Variants in LGR5 observed in about 807,000 individuals in gnomAD.
LGR5 encodes leucine rich repeat containing G protein-coupled receptor 5, also known as leucine-rich repeat-containing G protein-coupled receptor 5.
Under a neutral mutation model 76.7 loss-of-function variants are expected in LGR5, and 54 were observed. The observed-to-expected ratio is 0.70, with a 90% confidence interval of 0.57 to 0.88. The LOEUF (loss-of-function observed/expected upper bound fraction) is 0.88, where lower values mean the gene tolerates loss of function less well. Ranked by LOEUF, LGR5 falls within the 40% of genes least tolerant of loss-of-function variation. LGR5 has a pLI of 0.00. For missense variants in LGR5, 1,078 were observed against 1,073.3 expected (o/e 1.00, Z -0.06); for synonymous variants, 406 against 421.9 (o/e 0.96, Z 0.46).
At position 71,561,807 on chromosome 12, in the gene LGR5, C is replaced by G; in HGVS notation, c.812C>G (p.Ser271Trp). The change falls in exon 8 of 18, where the codon TCG becomes TGG. Residue 271 changes from serine to tryptophan, a missense_variant. Transcript: ENST00000266674. Reference protein sequence around the residue: ...ELGFHSNNIRSIPEKAFVGNP... With the variant: ...ELGFHSNNIRWIPEKAFVGNP... ...GGATTTCATAGCAACAATATCAGGT[C>G]GATACCTGAGAAAGCATTTGTAGGC... is the stretch of plus-strand genomic sequence containing the variant. 1.9e-6 allele frequency: 3 copies of G among 1,603,874 alleles called. No individual in the cohort carries two copies. Among genetic ancestry groups the G allele is most frequent in the East Asian group, 4.5e-5 (2 of 44,672 alleles).
chr12:71,483,533 A>T (rs767844106), intron 1 of LGR5, among the ~76,000 whole-genome samples: 13 of 152,208 alleles, frequency 8.5e-5, no homozygotes, highest in Non-Finnish European at 5.9e-5. Context: ...CCTGAATTTT[A>T]AACTACAGCA....
intron 4 of LGR5, among the ~76,000 whole-genome samples, chr12:71,537,004 C>T (rs982760078): frequency 6.6e-6 from 1 of 152,118 alleles, no homozygotes; most frequent in East Asian, 1.9e-4. Context: ...TAGATAGATA[C>T]TCGGCCCCCA....
In LGR5 at chr12:71,501,906, G is replaced by A. The variant is rs139572002; in HGVS notation, c.213-2708G>A. Among the ~76,000 whole-genome samples, 258 of 152,154 alleles carry A rather than the reference G, an allele frequency of 1.7e-3. 1 individual carries two copies. Among genetic ancestry groups the A allele is most frequent in the African/African-American group, 5.9e-3 (243 of 41,508 alleles). ...CATCAATGTAAAAGTGCACACAGAA[G>A]GGAAAAAAGCAAATGCAGGCAAATT... On this transcript the variant is annotated intron_variant, in intron 1 of 17. Coordinates refer to ENST00000266674, the MANE Select transcript of LGR5 (RefSeq NM_003667.4).
At chr12:71,453,844 T>A (rs754337947) in intron 1 of LGR5, among the ~76,000 whole-genome samples, 5 of 152,094 alleles carry the variant, frequency 3.3e-5, no homozygotes, top group Non-Finnish European at 7.4e-5. Context: ...TCATCTTTGA[T>A]AAGAAGCAGT....
chr12:71,542,072 C>A (rs943368926), intron 4 of LGR5, among the ~76,000 whole-genome samples: 2 of 152,158 alleles, frequency 1.3e-5, no homozygotes, highest in Admixed American at 6.5e-5. Context: ...AATATCAAAG[C>A]GTGAGCCAGT....
intron 1 of LGR5, among the ~76,000 whole-genome samples, chr12:71,476,293 A>G (rs373593249): frequency 1.3e-5 from 2 of 152,342 alleles, no homozygotes; most frequent in South Asian, 4.1e-4. Context: ...AGTTTTGTTG[A>G]CATGCAGTAG....
At chr12:71,540,116 A>G (rs1387773553) in intron 4 of LGR5, among the ~76,000 whole-genome samples, 1 of 152,184 alleles carries the variant, frequency 6.6e-6, no homozygotes, top group Admixed American at 6.5e-5. Flanking sequence ...TAACCCTCCC[A>G]TACCCTCACA....
intron 1 of LGR5, among the ~76,000 whole-genome samples, chr12:71,488,135 T>C (rs1333732731): frequency 6.6e-6 from 1 of 152,240 alleles, no homozygotes; most frequent in East Asian, 1.9e-4. Flanking sequence ...AGCTATACTT[T>C]GAACAGTAGA....
chr12:71,486,743 G>T (rs771114672), intron 1 of LGR5, among the ~76,000 whole-genome samples: 2 of 151,568 alleles, frequency 1.3e-5, no homozygotes, highest in African/African-American at 4.9e-5. Flanking sequence ...TCCTTGAAGA[G>T]AATTTAAAGT....
intron 11 of LGR5, 127 bp downstream of exon 11, chr12:71,567,039 T>C (rs1878386310): frequency 1.3e-6 from 1 of 744,288 alleles, no homozygotes; most frequent in Non-Finnish European, 2.4e-6. Context: ...CTGCAGGAGG[T>C]CAAGCCTCCT....
intron 4 of LGR5, among the ~76,000 whole-genome samples, chr12:71,536,542 A>T (rs975273621): frequency 6.6e-6 from 1 of 152,166 alleles, no homozygotes; most frequent in African/African-American, 2.4e-5. Flanking sequence ...ACAAGCCTTT[A>T]CCTGAAGGAA....
intron 4 of LGR5, 70 bp downstream of exon 4, chr12:71,535,256 A>G: frequency 9.5e-7 from 1 of 1,051,708 alleles, no homozygotes; most frequent in African/African-American, 1.6e-5. Context: ...TGTTCAGTTG[A>G]CCATTTTAGT....
chr12:71,569,853 G>A (rs1054909880), intron 11 of LGR5, among the ~76,000 whole-genome samples: 1 of 152,134 alleles, frequency 6.6e-6, no homozygotes, highest in African/African-American at 2.4e-5. Context: ...AAAGATATAT[G>A]CCCATGTATG....
intron 8 of LGR5, among the ~76,000 whole-genome samples, chr12:71,564,867 G>A (rs1797369): frequency 0.88 from 132,340 of 150,076 alleles, 60,296 homozygotes; most frequent in East Asian, 1. Context: ...ACATATATGT[G>A]CACACACTGT....
intron 2 of LGR5, among the ~76,000 whole-genome samples, chr12:71,513,674 G>A (rs1875283388): frequency 6.6e-6 from 1 of 152,144 alleles, no homozygotes; most frequent in South Asian, 2.1e-4. Flanking sequence ...AGCATTTATG[G>A]ACTGTTTGAT....
At chr12:71,533,619 T>C (rs1166781967) in intron 3 of LGR5, among the ~76,000 whole-genome samples, 1 of 152,180 alleles carries the variant, frequency 6.6e-6, no homozygotes, top group African/African-American at 2.4e-5. Context: ...GCTCATTAAA[T>C]TGTCAAACCC....
At chr12:71,582,859 G>A (rs2137482714) in intron 17 of LGR5, among the ~76,000 whole-genome samples, 1 of 152,070 alleles carries the variant, frequency 6.6e-6, no homozygotes, top group South Asian at 2.1e-4. Context: ...CTTGTTTTGT[G>A]TAATCACCGA....
chr12:71,574,585 T>C (rs1878768282), intron 13 of LGR5, among the ~76,000 whole-genome samples: 5 of 152,198 alleles, frequency 3.3e-5, no homozygotes, highest in Admixed American at 3.3e-4. Flanking sequence ...AATCATGTTA[T>C]TTCCCTGCTT....
upstream of LGR5, chr12:71,439,662 G>C (rs1177578622): frequency 3.7e-4 from 72 of 193,486 alleles, no homozygotes; most frequent in Non-Finnish European, 1.4e-4. Flanking sequence ...CAGGACTTGG[G>C]AAAGGAGGGA....
Sources: gnomAD v4.1 joint callset for allele counts (sites outside exome capture counted in the v4.1 genomes callset) on GRCh38, gnomAD v4.1.1 for gene constraint, MANE v1.5 for transcripts, NCBI Gene and HGNC (gene_info 2026-07-23, HGNC 2026-07-21) for gene names.